The following TPM3 variants were observed in gnomAD, a reference collection of about 807,000 sequenced individuals.
TPM3 encodes tropomyosin alpha-3 chain.
A neutral mutation model predicts 43.1 loss-of-function variants in TPM3; 16 were observed. The observed-to-expected ratio is 0.37, with a 90% CI of 0.25 to 0.56. The LOEUF is 0.56. TPM3 is among the 20% of genes least tolerant of loss of function. The pLI is 0.77. For synonymous variants in TPM3, 101 were observed against 116.9 expected, an observed-to-expected ratio of 0.86 and a Z score of 0.88; for missense variants, 176 against 337.2, an observed-to-expected ratio of 0.52 and a Z score of 3.74.
At position 154,166,708 on chromosome 1, in the gene TPM3, G is replaced by A; in HGVS notation, c.*1229C>T. On this transcript the variant is annotated 3_prime_UTR_variant, in exon 10 of 10. Transcript: ENST00000651641. ...GAATTCCTTTTTTTTTTTTGAGATGGAGTCTCTCTGTTGCCCAGGCTGGAA... is the reference window on the plus strand; with the variant it reads ...GAATTCCTTTTTTTTTTTTGAGATGAAGTCTCTCTGTTGCCCAGGCTGGAA... 1.0e-6 allele frequency: 1 copy of A among 974,788 alleles called. No homozygotes were observed. The highest frequency in any genetic ancestry group is 1.2e-6 in the Non-Finnish European group (1 of 824,412). The allele number at this position is 974,788 out of a possible 1,614,324, so 60.4% of individuals were successfully genotyped here. A position where few individuals can be genotyped will look rare whatever the true frequency, so the allele number is the denominator to read the frequency against.
rs888837255 is a variant in TPM3, at chr1:154,163,409, C to T, written c.*4528G>A. On this transcript the variant is annotated 3_prime_UTR_variant, in exon 10 of 10. Transcript: ENST00000651641. ...ATCTTCCTACCAATACACTCTTTTG[C>T]CCCTGAAAATGACTCCTCCTCTTCA... Among the ~76,000 whole-genome samples the T allele has an allele frequency of 6.6e-6, 1 of 152,086 alleles. No homozygotes were observed. The highest frequency in any genetic ancestry group is 2.4e-5 in the African/African-American group (1 of 41,414).
intron 6 of TPM3, 42 bp downstream of exon 6, chr1:154,171,371 C>T (rs773425503): frequency 1.2e-6 from 2 of 1,607,012 alleles, no homozygotes; most frequent in Non-Finnish European, 1.7e-6. Flanking sequence ...CAGGGCTGGG[C>T]CCAGGCCCCA....
rs947033710 is a variant in TPM3, at chr1:154,165,972, A to G, written c.*1965T>C. 1.3e-5 allele frequency among the ~76,000 whole-genome samples: 2 copies of G among 152,076 alleles called. No individual in the cohort carries two copies. The highest frequency in any genetic ancestry group is 6.6e-5 in the Admixed American group (1 of 15,250). On this transcript the variant is annotated 3_prime_UTR_variant, in exon 10 of 10. Coordinates refer to ENST00000651641, the MANE Select transcript of TPM3 (RefSeq NM_152263.4). The stretch of plus-strand genomic sequence containing the variant: ...TCACACAGTATCTGTAGCTTTATGT[A>G]TGTTTTCTCTCCTAGTAGATTCTAA...
In TPM3 at chr1:154,192,028, C is replaced by T. The variant is rs758912903; in HGVS notation, c.-10G>A. On this transcript the variant is annotated 5_prime_UTR_variant, in exon 1 of 10. Coordinates refer to ENST00000651641, the MANE Select transcript of TPM3 (RefSeq NM_152263.4). ...TGATGGCCTCCATCATGAGCAGTGG[C>T]TGTTGGTAGGCTCACCTGTGAACAC... 14 of 1,609,880 alleles carry T rather than the reference C, an allele frequency of 8.7e-6. No individual in the cohort carries two copies. Among genetic ancestry groups the T allele is most frequent in the Non-Finnish European group, 1.1e-5 (13 of 1,176,916 alleles).
intron 2 of TPM3, among the ~76,000 whole-genome samples, chr1:154,177,930 G>A (rs112516868): frequency 1.3e-3 from 203 of 152,232 alleles, no homozygotes; most frequent in African/African-American, 4.6e-3. Context: ...AACCATTTGT[G>A]CCTCTAACTA....
chr1:154,169,172 C>T (rs1661307608), intron 9 of TPM3, 133 bp downstream of exon 9: 1 of 1,007,706 alleles, frequency 9.9e-7, no homozygotes, highest in African/African-American at 1.6e-5. Context: ...ATAACCAGCA[C>T]CAATGTTTCA....
Position 154,184,658 on chromosome 1 carries a change from T to C in TPM3, c.243+6528A>G, listed in dbSNP as rs138789418. On this transcript the variant is annotated intron_variant, in intron 2 of 9. Transcript: ENST00000651641. ...AGCCGGGCGGGGTGACTCATGCCTG[T>C]GATCCCAACATTTGGGAGGCCAACG... 7.6e-3 allele frequency among the ~76,000 whole-genome samples: 1,158 copies of C among 152,302 alleles called. 12 individuals are homozygous for C. The highest frequency in any genetic ancestry group is 0.027 in the African/African-American group (1,107 of 41,570).
In TPM3 at chr1:154,167,817, C is replaced by G; in HGVS notation, c.*120G>C. ...ATACATAAGTTGCTTTTTGCTCCCCCATCCTAATGCCTTGGGGACCAGCCA... is the reference window on the plus strand; with the variant it reads ...ATACATAAGTTGCTTTTTGCTCCCCGATCCTAATGCCTTGGGGACCAGCCA... On this transcript the variant is annotated 3_prime_UTR_variant, in exon 10 of 10. Transcript: ENST00000651641. The G allele has an allele frequency of 5.0e-6, 8 of 1,596,156 alleles. No homozygotes were observed. Among genetic ancestry groups the G allele is most frequent in the Non-Finnish European group, 6.8e-6 (8 of 1,171,472 alleles).
chr1:154,182,387 G>A (rs1663057344), intron 2 of TPM3, among the ~76,000 whole-genome samples: 2 of 152,224 alleles, frequency 1.3e-5, no homozygotes, highest in African/African-American at 4.8e-5. Flanking sequence ...AGGCGGTCCT[G>A]TGGCCTCGAG....
At chr1:154,174,804 A>T (rs1232961835) in intron 3 of TPM3, among the ~76,000 whole-genome samples, 1 of 151,222 alleles carries the variant, frequency 6.6e-6, no homozygotes, top group African/African-American at 2.4e-5. Flanking sequence ...CTCACTTTCT[A>T]TAATTTGCAT....
chr1:154,156,709 G>C (rs11540108), downstream of TPM3: 1,104 of 197,722 alleles, frequency 5.6e-3, 7 homozygotes, highest in South Asian at 0.018. Flanking sequence ...AGCTATTCAA[G>C]ATTTCTCCAG....
At chr1:154,190,249 G>A (rs770841624) in intron 2 of TPM3, among the ~76,000 whole-genome samples, 3 of 152,166 alleles carry the variant, frequency 2.0e-5, no homozygotes, top group African/African-American at 7.2e-5. Flanking sequence ...GCCCAAATAT[G>A]ATTTTAAATA....
In TPM3 at chr1:154,178,214, C is replaced by T. The variant is rs937870923; in HGVS notation, c.244-1966G>A. 4.1e-6 allele frequency: 4 copies of T among 985,246 alleles called. No homozygotes were observed. The African/African-American group carries it at 7.0e-5, about 17-fold the overall frequency. The allele number at this position is 985,246 out of a possible 1,614,324, so 61.0% of individuals were successfully genotyped here. On this transcript the variant is annotated intron_variant, in intron 2 of 9. Coordinates refer to ENST00000651641, the MANE Select transcript of TPM3 (RefSeq NM_152263.4). ...TTACCCAAACTGGAGTAGAAGATAA[C>T]AGGCTATGGGGCGGGGGTGTACAGT...
downstream of TPM3, chr1:154,156,707 A>C (rs766074094): frequency 8.1e-5 from 16 of 197,792 alleles, no homozygotes; most frequent in Non-Finnish European, 3.1e-5. Flanking sequence ...TAAGCTATTC[A>C]AGATTTCTCC....
At chr1:154,168,213 G>A (rs567183081) in intron 9 of TPM3, among the ~76,000 whole-genome samples, 6 of 152,260 alleles carry the variant, frequency 3.9e-5, no homozygotes, top group African/African-American at 1.4e-4. Flanking sequence ...TTGCTTCTGG[G>A]ACTCAGCTCA....
Position 154,183,275 on chromosome 1 carries a change from C to A in TPM3, c.244-7027G>T, listed in dbSNP as rs551050909. The stretch of plus-strand genomic sequence containing the variant: ...GTCCCTCTGCCGCGCCCTCCCACCG[C>A]CAGGCAGGCGGGAAGGCAGTCCACT... On this transcript the variant is annotated intron_variant, in intron 2 of 9. Transcript: ENST00000651641. 151 of 1,515,348 alleles carry A rather than the reference C, an allele frequency of 1.0e-4. No individual in the cohort carries two copies. The South Asian group carries it at 1.2e-3, about 12-fold the overall frequency. The allele number at this position is 1,515,348 out of a possible 1,614,324, so 93.9% of individuals were successfully genotyped here. A position where few individuals can be genotyped will look rare whatever the true frequency, so the allele number is the denominator to read the frequency against.
At chr1:154,160,076 T>G (rs184254263), downstream of TPM3, among the ~76,000 whole-genome samples, 2 of 149,994 alleles carry the variant, frequency 1.3e-5, no homozygotes, top group East Asian at 4.0e-4. Flanking sequence ...TGCTCAAATC[T>G]AATAGGTTTA....
intron 2 of TPM3, among the ~76,000 whole-genome samples, chr1:154,189,305 A>C (rs1663569625): frequency 6.6e-6 from 1 of 150,540 alleles, no homozygotes; most frequent in South Asian, 2.1e-4. Flanking sequence ...CAACATGGCG[A>C]AACCCCATCT....
Position 154,182,961 on chromosome 1 carries a change from C to T in TPM3, c.244-6713G>A. The stretch of plus-strand genomic sequence containing the variant: ...GCCGGATACTCCAGCGCCTGCCCCT[C>T]CCTCATGAGCCTCACCATCTCCGTA... On this transcript the variant is annotated intron_variant, in intron 2 of 9. Coordinates refer to ENST00000651641, the MANE Select transcript of TPM3 (RefSeq NM_152263.4). The T allele has an allele frequency of 1.9e-6, 3 of 1,610,608 alleles. No homozygotes were observed. The South Asian group carries it at 3.3e-5, about 18-fold the overall frequency.
Sources: allele counts gnomAD v4.1 joint callset (sites outside exome capture counted in the v4.1 genomes callset), GRCh38; gene constraint gnomAD v4.1.1; transcripts MANE v1.5; gene names NCBI Gene and HGNC (gene_info 2026-07-23, HGNC 2026-07-21).